CUEDC1: variants seen among roughly 807,000 people sequenced by gnomAD.
The protein encoded by CUEDC1 is CUE domain-containing protein 1.
In CUEDC1, 30 loss-of-function variants were observed where a neutral mutation model predicts 43.7. That is an observed-to-expected ratio of 0.69 (90% CI 0.51 to 0.93). CUEDC1 has a LOEUF of 0.93. Ranked by LOEUF, CUEDC1 falls within the 40% of genes least tolerant of loss-of-function variation. CUEDC1 has a pLI of 0.00. For synonymous variants in CUEDC1, 223 were observed against 223.6 expected (o/e 1.00, Z 0.02); for missense variants, 486 against 549.0 (o/e 0.89, Z 1.15).
intron 1 of CUEDC1, among the ~76,000 whole-genome samples, chr17:57,919,279 G>A (rs371176803): frequency 3.2e-4 from 48 of 150,874 alleles, no homozygotes; most frequent in African/African-American, 9.5e-4. Context: ...TCCCGGGTTC[G>A]AGCAATTCTC....
At position 57,869,115 on chromosome 17, in the gene CUEDC1, G is replaced by C. The variant is rs759947730; in HGVS notation, c.940+7C>G. 1 of 1,613,660 alleles carries C rather than the reference G, an allele frequency of 6.2e-7. No individual in the cohort carries two copies. Among genetic ancestry groups the C allele is most frequent in the Non-Finnish European group, 8.5e-7 (1 of 1,179,876 alleles). On this transcript the variant is annotated splice_region_variant and intron_variant, in intron 7 of 10. Transcript: ENST00000577830. ...GGGGAGGGAAGCGGGGCCTGAGTGG[G>C]ACTCACACTTTCCCATGTGTTTCAG...
Position 57,872,743 on chromosome 17 carries a change from C to T in CUEDC1, c.704G>A (p.Arg235Lys). Reference protein sequence around the residue: ...SRWKQYLEDERIALFLQNEEF... With the variant: ...SRWKQYLEDEKIALFLQNEEF... ...CTCGTTCTGCAGGAAAAGCGCGATC[C>T]TCTCGTCCTCCAGGTACTGCTTCCA... Residue 235 changes from arginine (R) to lysine (K), a missense_variant, in exon 5 of 11, where the codon AGG becomes AAG. Physicochemically the swap from Arg to Lys is conservative, Grantham distance 26. Coordinates refer to ENST00000577830, the MANE Select transcript of CUEDC1 (RefSeq NM_001271875.2). 6.2e-7 allele frequency: 1 copy of T among 1,614,242 alleles called. No individual in the cohort carries two copies. Among genetic ancestry groups the T allele is most frequent in the Non-Finnish European group, 8.5e-7 (1 of 1,180,042 alleles).
chr17:57,937,669 G>A (rs2083791), intron 1 of CUEDC1, among the ~76,000 whole-genome samples: 69,545 of 151,328 alleles, frequency 0.46, 17,776 homozygotes, highest in East Asian at 0.94. Context: ...AGTGGCTCCT[G>A]CCTATAATCT....
intron 1 of CUEDC1, among the ~76,000 whole-genome samples, chr17:57,914,319 A>T (rs2074615286): frequency 6.6e-6 from 1 of 152,208 alleles, no homozygotes; most frequent in Admixed American, 6.5e-5. Flanking sequence ...ACAGGGGGTA[A>T]ATAAGTCCAC....
intron 9 of CUEDC1, chr17:57,866,830 A>G: frequency 2.2e-6 from 1 of 453,456 alleles, no homozygotes; most frequent in South Asian, 2.4e-5. Context: ...AAGCTGGACT[A>G]TCTAGATGAC....
intron 10 of CUEDC1, among the ~76,000 whole-genome samples, chr17:57,865,162 G>C (rs1006178366): frequency 6.6e-6 from 1 of 152,232 alleles, no homozygotes; most frequent in African/African-American, 2.4e-5. Flanking sequence ...GGAAGGAGAA[G>C]GGCGTGGAGA....
intron 1 of CUEDC1, among the ~76,000 whole-genome samples, chr17:57,893,772 T>C (rs1306476930): frequency 6.6e-6 from 1 of 152,360 alleles, no homozygotes; most frequent in South Asian, 2.1e-4. Flanking sequence ...GGTACTTCTC[T>C]GGACCACTCA....
intron 1 of CUEDC1, among the ~76,000 whole-genome samples, chr17:57,909,957 A>G (rs1054999299): frequency 2.0e-5 from 3 of 152,142 alleles, no homozygotes; most frequent in Admixed American, 1.3e-4. Context: ...TAGCAACACA[A>G]TGACTGGGTG....
At chr17:57,952,070 T>C (rs1438630922) in intron 1 of CUEDC1, among the ~76,000 whole-genome samples, 1 of 152,206 alleles carries the variant, frequency 6.6e-6, no homozygotes, top group Non-Finnish European at 1.5e-5. Flanking sequence ...TGAGAAGTCA[T>C]GGCCACTGGG....
At chr17:57,865,259 TTG>T (rs1389977838) in intron 10 of CUEDC1, among the ~76,000 whole-genome samples, 2 of 152,040 alleles carry the variant, frequency 1.3e-5, no homozygotes, top group Non-Finnish European at 2.9e-5. Context: ...GGCCGCGGCT[TTG>T]TGTTTGAGGA....
At chr17:57,921,925 C>CA (rs1279542199) in intron 1 of CUEDC1, among the ~76,000 whole-genome samples, 2 of 152,098 alleles carry the variant, frequency 1.3e-5, no homozygotes, top group African/African-American at 4.8e-5. Flanking sequence ...CCAGCCTGGC[C>CA]AACATGGTGA....
At chr17:57,872,312 G>A (rs571136315) in intron 5 of CUEDC1, among the ~76,000 whole-genome samples, 13 of 152,286 alleles carry the variant, frequency 8.5e-5, no homozygotes, top group African/African-American at 2.4e-4. Context: ...GACACATCAC[G>A]CCTGCCTTGG....
intron 6 of CUEDC1, among the ~76,000 whole-genome samples, chr17:57,871,007 C>G (rs1437283363): frequency 6.6e-6 from 1 of 152,290 alleles, no homozygotes; most frequent in Admixed American, 6.5e-5. Context: ...AGCCTACACT[C>G]GAGGCATAGG....
chr17:57,904,986 G>A (rs1187716425), intron 1 of CUEDC1, among the ~76,000 whole-genome samples: 1 of 152,118 alleles, frequency 6.6e-6, no homozygotes, highest in African/African-American at 2.4e-5. Flanking sequence ...AAGATGCAGG[G>A]GCTGATTATA....
intron 1 of CUEDC1, among the ~76,000 whole-genome samples, chr17:57,887,504 T>A (rs1389685154): frequency 1.3e-5 from 2 of 151,420 alleles, no homozygotes; most frequent in African/African-American, 4.9e-5. Flanking sequence ...ACAGAAATTT[T>A]TTTTTTTTTT....
intron 9 of CUEDC1, 179 bp from the exon 10 acceptor site, chr17:57,866,723 G>C (rs148019547): frequency 5.0e-6 from 3 of 601,830 alleles, no homozygotes; most frequent in South Asian, 4.0e-5. Context: ...GGACACTCAG[G>C]TGCTGGCCAG....
intron 1 of CUEDC1, among the ~76,000 whole-genome samples, chr17:57,907,514 C>T (rs2074541242): frequency 6.6e-6 from 1 of 152,000 alleles, no homozygotes; most frequent in East Asian, 1.9e-4. Context: ...TAGTAAATAC[C>T]TCTGTACATC....
At chr17:57,896,936 A>AT (rs1741499216) in intron 1 of CUEDC1, among the ~76,000 whole-genome samples, 2 of 151,420 alleles carry the variant, frequency 1.3e-5, no homozygotes, top group African/African-American at 4.8e-5. Flanking sequence ...TGCCAAACTA[A>AT]TTTTTTGTAT....
rs1020861080 is a variant in CUEDC1, at chr17:57,862,859, G to C, written c.*430C>G. The C allele has an allele frequency of 2.2e-4, 33 of 152,534 alleles. No individual in the cohort carries two copies. Among genetic ancestry groups the C allele is most frequent in the African/African-American group, 7.9e-4 (33 of 41,588 alleles). The allele number at this position is 152,534 out of a possible 1,614,324, so 9.4% of individuals were successfully genotyped here. On this transcript the variant is annotated 3_prime_UTR_variant, in exon 11 of 11. Transcript: ENST00000577830. Reference sequence around the variant, plus strand: ...GTCAGGCAGAGTCTGTGACAGGAGAGATAGAGAACGGACGGAGGCAGAGAC... The same window carrying C: ...GTCAGGCAGAGTCTGTGACAGGAGACATAGAGAACGGACGGAGGCAGAGAC...
Sources: allele counts gnomAD v4.1 joint callset (sites outside exome capture counted in the v4.1 genomes callset), GRCh38; gene constraint gnomAD v4.1.1; transcripts MANE v1.5; gene names NCBI Gene and HGNC (gene_info 2026-07-23, HGNC 2026-07-21).